FNBP1: variants seen among roughly 807,000 people sequenced by gnomAD.
FNBP1 encodes formin-binding protein 1.
A neutral mutation model predicts 90.6 loss-of-function variants in FNBP1; 26 were observed. The ratio of observed to expected loss-of-function variants is 0.29; its 90% CI spans 0.21 to 0.40. FNBP1 has a LOEUF of 0.40. Ranked by LOEUF, FNBP1 falls within the 10% of genes least tolerant of loss-of-function variation. The probability of loss-of-function intolerance (pLI) is 1.00; values close to 1 mark genes in which losing one functional copy is unlikely to be tolerated. For missense variants in FNBP1, 635 were observed against 768.0 expected (o/e 0.83, Z 2.05); for synonymous variants, 260 against 265.2 (o/e 0.98, Z 0.19).
intron 15 of FNBP1, among the ~76,000 whole-genome samples, chr9:129,897,880 A>G (rs2131259100): frequency 6.6e-6 from 1 of 152,164 alleles, no homozygotes; most frequent in East Asian, 1.9e-4. Flanking sequence ...CCCATACTGG[A>G]GTACAATGGC....
chr9:129,921,344 C>T (rs546366105), intron 10 of FNBP1, among the ~76,000 whole-genome samples: 41 of 151,164 alleles, frequency 2.7e-4, no homozygotes, highest in Non-Finnish European at 4.4e-4. Context: ...TCCCAGCCTC[C>T]GCTAGGACTA....
chr9:129,898,407 T>C (rs1033949887), intron 15 of FNBP1, among the ~76,000 whole-genome samples: 14 of 151,722 alleles, frequency 9.2e-5, no homozygotes, highest in Non-Finnish European at 1.9e-4. Context: ...CATGGCAAGT[T>C]CTCCAAACTT....
intron 1 of FNBP1, among the ~76,000 whole-genome samples, chr9:130,038,490 C>T (rs62585590): frequency 0.24 from 35,468 of 148,792 alleles, 4,413 homozygotes; most frequent in Non-Finnish European, 0.28. Context: ...CTCCGCCTCC[C>T]GGGTTCAAGC....
chr9:129,914,236 A>G (rs1303777217), intron 11 of FNBP1, among the ~76,000 whole-genome samples: 1 of 148,482 alleles, frequency 6.7e-6, no homozygotes, highest in Admixed American at 6.7e-5. Flanking sequence ...GCAGTGGCGC[A>G]ATGATAGCTC....
intron 10 of FNBP1, among the ~76,000 whole-genome samples, chr9:129,921,450 A>G (rs1240183122): frequency 1.3e-5 from 2 of 151,438 alleles, no homozygotes; most frequent in African/African-American, 4.9e-5. Flanking sequence ...CTGGAGTGCA[A>G]TAGCGTGATC....
In FNBP1 at chr9:129,891,306, T is replaced by TA. The variant is rs199987106; in HGVS notation, c.1847-761dup. The stretch of plus-strand genomic sequence containing the variant: ...GCCAGACCTCATCTCTACAAAAAAT[T>TA]AAAAAAAAATTAACCAGCATGTTGG... On this transcript the variant is annotated intron_variant, in intron 16 of 16. Coordinates refer to ENST00000446176, the MANE Select transcript of FNBP1 (RefSeq NM_015033.3). 4.7e-3 allele frequency among the ~76,000 whole-genome samples: 708 copies of TA among 151,090 alleles called. 5 individuals carry two copies. Among genetic ancestry groups the TA allele is most frequent in the Middle Eastern group, 0.01 (3 of 294 alleles).
intron 7 of FNBP1, among the ~76,000 whole-genome samples, chr9:129,928,494 AC>A (rs1292297927): frequency 3.3e-5 from 5 of 152,100 alleles, no homozygotes. Flanking sequence ...CCCCGTCTCT[AC>A]TAAAAATACA....
chr9:130,001,687 G>C (rs1040572726), intron 1 of FNBP1, among the ~76,000 whole-genome samples: 1 of 151,868 alleles, frequency 6.6e-6, no homozygotes, highest in African/African-American at 2.4e-5. Context: ...TTCGAGACCA[G>C]CCTGGCCAAC....
At chr9:130,020,160 G>A (rs12001851) in intron 1 of FNBP1, among the ~76,000 whole-genome samples, 3,481 of 152,206 alleles carry the variant, frequency 0.023, 138 homozygotes, top group African/African-American at 0.078. Context: ...TCATACCAAC[G>A]ACATAGATCT....
intron 6 of FNBP1, among the ~76,000 whole-genome samples, chr9:129,937,677 G>C (rs1050651541): frequency 3.2e-4 from 49 of 151,850 alleles, no homozygotes; most frequent in African/African-American, 1.2e-3. Context: ...GTTACAGTGA[G>C]CCAAGATATC....
At chr9:130,029,764 G>A (rs182034200) in intron 1 of FNBP1, among the ~76,000 whole-genome samples, 6 of 151,596 alleles carry the variant, frequency 4.0e-5, no homozygotes, top group Middle Eastern at 3.4e-3. Context: ...CAGGGGGATC[G>A]CTTGGACTCA....
At chr9:130,036,955 G>A (rs532069912) in intron 1 of FNBP1, among the ~76,000 whole-genome samples, 1 of 151,256 alleles carries the variant, frequency 6.6e-6, no homozygotes, top group South Asian at 2.1e-4. Context: ...TGAGGCGGGA[G>A]AATGGTGTGA....
chr9:129,956,181 A>C (rs1198794339), intron 6 of FNBP1, among the ~76,000 whole-genome samples: 2 of 152,256 alleles, frequency 1.3e-5, no homozygotes, highest in Middle Eastern at 6.8e-3. Flanking sequence ...TATGTATTTT[A>C]ATATATTTAA....
In FNBP1 at chr9:129,890,986, C is replaced by G. The variant is rs2035048058; in HGVS notation, c.1847-440G>C. Reference sequence around the variant, plus strand: ...CCTGGCTAACATGGTGAAAACCCATCTCTATTAAAAATACAACAATTAGCC... The same window carrying G: ...CCTGGCTAACATGGTGAAAACCCATGTCTATTAAAAATACAACAATTAGCC... On this transcript the variant is annotated intron_variant, in intron 16 of 16. Transcript: ENST00000446176. The surrounding 1 kb of genome is among the most constrained non-coding windows in gnomAD (Gnocchi z 5.8). 6.6e-6 allele frequency among the ~76,000 whole-genome samples: 1 copy of G among 152,018 alleles called. No individual in the cohort carries two copies. Among genetic ancestry groups the G allele is most frequent in the African/African-American group, 2.4e-5 (1 of 41,378 alleles).
chr9:130,021,396 CT>C lies in FNBP1; in HGVS notation c.24+21555del, dbSNP rs1432780570. 3.9e-5 allele frequency among the ~76,000 whole-genome samples: 6 copies of C among 152,288 alleles called. No individual in the cohort carries two copies. The East Asian group carries it at 7.7e-4, about 20-fold the overall frequency. On this transcript the variant is annotated intron_variant, in intron 1 of 16. Transcript: ENST00000446176. ...CTGTAAAGTATTTTTAAAAGTTCGC[CT>C]TGAACACTCACTGCAAATACCATTT... is the stretch of plus-strand genomic sequence containing the variant.
intron 11 of FNBP1, 75 bp from the exon 12 acceptor site, chr9:129,909,074 C>A (rs1302230728): frequency 6.5e-6 from 6 of 929,710 alleles, no homozygotes; most frequent in Admixed American, 4.1e-5. Flanking sequence ...GCAAAGCCTG[C>A]AGCCATGGGG....
intron 4 of FNBP1, among the ~76,000 whole-genome samples, chr9:129,970,449 A>G (rs1588970513): frequency 6.7e-6 from 1 of 148,422 alleles, no homozygotes; most frequent in Non-Finnish European, 1.5e-5. Flanking sequence ...CAAGCAATCC[A>G]CCCGCCTTGG....
intron 4 of FNBP1, among the ~76,000 whole-genome samples, chr9:129,972,345 G>A (rs2049590530): frequency 1.3e-5 from 2 of 152,168 alleles, no homozygotes; most frequent in African/African-American, 4.8e-5. Flanking sequence ...TGTTGGCCAG[G>A]CTGGTTTCGA....
At chr9:130,015,267 C>G (rs1248821783) in intron 1 of FNBP1, among the ~76,000 whole-genome samples, 1 of 152,158 alleles carries the variant, frequency 6.6e-6, no homozygotes, top group East Asian at 1.9e-4. Flanking sequence ...ATGGAGCTCA[C>G]ATACTAGTAG....
Sources: gnomAD v4.1 joint callset for allele counts (sites outside exome capture counted in the v4.1 genomes callset) on GRCh38, gnomAD v4.1.1 for gene constraint, Gnocchi (gnomAD v3.1) non-coding constraint, MANE v1.5 for transcripts, NCBI Gene and HGNC (gene_info 2026-07-23, HGNC 2026-07-21) for gene names.